The following GRID2 variants were observed in gnomAD, a reference collection of about 807,000 sequenced individuals.
GRID2 encodes the protein glutamate ionotropic receptor delta type subunit 2.
A neutral mutation model predicts 114.8 loss-of-function variants in GRID2; 33 were observed. The ratio of observed to expected loss-of-function variants is 0.29; its 90% CI spans 0.22 to 0.38. The LOEUF (loss-of-function observed/expected upper bound fraction) is 0.38. GRID2 is among the 10% of genes least tolerant of loss of function. The pLI is 1.00. For synonymous variants in GRID2, 505 were observed against 449.9 expected (o/e 1.12, Z -1.55); for missense variants, 1,184 against 1,257.7 (o/e 0.94, Z 0.89).
intron 1 of GRID2, among the ~76,000 whole-genome samples, chr4:92,443,823 G>T (rs1733277443): frequency 6.6e-6 from 1 of 152,184 alleles, no homozygotes; most frequent in Non-Finnish European, 1.5e-5. Flanking sequence ...AACGTGGGTT[G>T]AATAATCAGA....
At chr4:93,608,074 A>T (rs924797273) in intron 13 of GRID2, among the ~76,000 whole-genome samples, 4 of 147,714 alleles carry the variant, frequency 2.7e-5, no homozygotes, top group Admixed American at 6.8e-5. Flanking sequence ...ATAAGTATAT[A>T]TATGCATATA....
At chr4:93,296,125 G>A (rs760030408) in intron 8 of GRID2, among the ~76,000 whole-genome samples, 7 of 152,170 alleles carry the variant, frequency 4.6e-5, no homozygotes, top group African/African-American at 9.7e-5. Flanking sequence ...GCCATAGTCC[G>A]TCCAGGGCCT....
In GRID2 at chr4:93,146,389, G is replaced by A. The variant is rs544182905; in HGVS notation, c.735+35436G>A. Among the ~76,000 whole-genome samples, 55 of 152,222 alleles carry A rather than the reference G, an allele frequency of 3.6e-4. 1 individual carries two copies. In the South Asian group the frequency reaches 1.0e-2, roughly 28 times the overall value. ...TAAAAATTGAGTCAATGATGAAAGC[G>A]CATCCTGTAAGCTCTAATGTAAACC... is the stretch of plus-strand genomic sequence containing the variant. On this transcript the variant is annotated intron_variant, in intron 4 of 15. Transcript: ENST00000282020.
intron 1 of GRID2, among the ~76,000 whole-genome samples, chr4:92,330,007 G>GAGAGAGAGAGAC (rs1726797540): frequency 6.6e-6 from 1 of 150,998 alleles, no homozygotes; most frequent in African/African-American, 2.4e-5. Context: ...GAGAGAGAGA[G>GAGAGAGAGAGAC]AGAGAGAGAG....
chr4:92,944,273 G>A (rs559004959), intron 2 of GRID2, among the ~76,000 whole-genome samples: 1 of 152,190 alleles, frequency 6.6e-6, no homozygotes, highest in Non-Finnish European at 1.5e-5. Context: ...CTGGGCAATT[G>A]TGGGTGCCCC....
At chr4:93,800,244 G>A (rs971751185) in intron 1 of GRID2, among the ~76,000 whole-genome samples, 28 of 152,206 alleles carry the variant, frequency 1.8e-4, no homozygotes, top group African/African-American at 6.8e-4. Context: ...GCAATCCTGT[G>A]TAAACGAGGA....
intron 2 of GRID2, among the ~76,000 whole-genome samples, chr4:92,838,138 G>A (rs182305342): frequency 1.3e-5 from 2 of 152,046 alleles, no homozygotes; most frequent in Admixed American, 1.3e-4. Context: ...GACATTATTT[G>A]CACAGCAGGA....
chr4:93,316,395 AAGG>A (rs1756667304), intron 8 of GRID2, among the ~76,000 whole-genome samples: 1 of 151,698 alleles, frequency 6.6e-6, no homozygotes, highest in Non-Finnish European at 1.5e-5. Flanking sequence ...ATAGAAAAGG[AAGG>A]AAGGAAGGAG....
chr4:92,390,540 A>C (rs1326054466), intron 1 of GRID2, among the ~76,000 whole-genome samples: 4 of 152,192 alleles, frequency 2.6e-5, no homozygotes, highest in Admixed American at 2.6e-4. Flanking sequence ...AACAAACAAA[A>C]TAATTTCACA....
chr4:92,353,274 CTTAA>C (rs1414438734), intron 1 of GRID2, among the ~76,000 whole-genome samples: 1 of 150,520 alleles, frequency 6.6e-6, no homozygotes, highest in Non-Finnish European at 1.5e-5. Context: ...CATTTTTCAA[CTTAA>C]TTAAAGACAG....
chr4:93,464,935 G>A (rs1040234323), intron 11 of GRID2, among the ~76,000 whole-genome samples: 2 of 152,150 alleles, frequency 1.3e-5, no homozygotes, highest in Non-Finnish European at 2.9e-5. Context: ...ACTTTAGCAT[G>A]TCCTAAAAGT....
At chr4:93,718,810 G>A (rs570733261) in intron 14 of GRID2, among the ~76,000 whole-genome samples, 2 of 152,112 alleles carry the variant, frequency 1.3e-5, no homozygotes, top group East Asian at 1.9e-4. Context: ...ATAACTAGTT[G>A]TAAGATGATG....
intron 14 of GRID2, among the ~76,000 whole-genome samples, chr4:93,665,865 A>T (rs1324374203): frequency 6.6e-6 from 1 of 152,096 alleles, no homozygotes; most frequent in Non-Finnish European, 1.5e-5. Context: ...TTCCTGAAAT[A>T]TCTCTTTCCC....
intron 2 of GRID2, among the ~76,000 whole-genome samples, chr4:92,615,282 T>C (rs1729955659): frequency 6.6e-6 from 1 of 151,454 alleles, no homozygotes; most frequent in African/African-American, 2.4e-5. Context: ...CCTTTTCTTC[T>C]AAGGACACTA....
At chr4:92,918,840 T>C (rs1230647104) in intron 2 of GRID2, among the ~76,000 whole-genome samples, 1 of 152,206 alleles carries the variant, frequency 6.6e-6, no homozygotes, top group Non-Finnish European at 1.5e-5. Context: ...TGCCAGACTT[T>C]GGTATCAGGA....
At chr4:93,455,442 A>G (rs1580134259) in intron 10 of GRID2, among the ~76,000 whole-genome samples, 2 of 152,162 alleles carry the variant, frequency 1.3e-5, no homozygotes, top group African/African-American at 4.8e-5. Flanking sequence ...TAATATGAAC[A>G]AGGTAATTTG....
rs766445249 is a variant in GRID2 at position 92,967,867 on chromosome 4, C to T, written c.245-117128C>T. Among the ~76,000 whole-genome samples the T allele has an allele frequency of 8.2e-4, 124 of 151,932 alleles. No individual in the cohort carries two copies. In the Middle Eastern group the frequency reaches 0.01, roughly 13 times the overall value. On this transcript the variant is annotated intron_variant, in intron 2 of 15. Transcript: ENST00000282020. ...TCTCCTTGAAATCTTCACTGGCCCT[C>T]CACTCCGAAGTAATCTCTCCTTTCT...
At chr4:92,870,365 C>G (rs1428031188) in intron 2 of GRID2, among the ~76,000 whole-genome samples, 6 of 151,888 alleles carry the variant, frequency 4.0e-5, no homozygotes, top group Non-Finnish European at 5.9e-5. Flanking sequence ...AAGGACAGCA[C>G]TTTTGTTATT....
Position 93,636,258 on chromosome 4 carries a change from A to G in GRID2, c.2360+9823A>G, listed in dbSNP as rs1314802997. Among the ~76,000 whole-genome samples the G allele has an allele frequency of 2.6e-5, 4 of 152,302 alleles. No individual in the cohort carries two copies. In the East Asian group the frequency reaches 7.7e-4, roughly 29 times the overall value. ...AGTCTGATTAGCCTTTTTACAAATA[A>G]GATTTGTGCTGTTTCTAGATCTCAG... On this transcript the variant is annotated intron_variant, in intron 14 of 15. Coordinates refer to ENST00000282020, the MANE Select transcript of GRID2 (RefSeq NM_001510.4).
Sources: allele counts gnomAD v4.1 joint callset (sites outside exome capture counted in the v4.1 genomes callset), GRCh38; gene constraint gnomAD v4.1.1; transcripts MANE v1.5; gene names NCBI Gene and HGNC (gene_info 2026-07-23, HGNC 2026-07-21).